Variants in RBFOX1 observed in about 807,000 individuals in gnomAD.
The protein encoded by RBFOX1 is RNA binding fox-1 homolog 1, also known as RNA binding protein fox-1 homolog 1.
In RBFOX1, 8 loss-of-function variants were observed where a neutral mutation model predicts 57.7. The ratio of observed to expected loss-of-function variants is 0.14; its 90% CI spans 0.08 to 0.25. The LOEUF (loss-of-function observed/expected upper bound fraction) is 0.25. RBFOX1 is among the 10% of genes least tolerant of loss of function. RBFOX1 has a pLI of 1.00. For missense variants in RBFOX1, 611 were observed against 548.5 expected (o/e 1.11, Z -1.14); for synonymous variants, 326 against 222.4 (o/e 1.47, Z -4.15).
chr16:5,475,658 G>A (rs866348756), intron 2 of RBFOX1, among the ~76,000 whole-genome samples: 3 of 152,218 alleles, frequency 2.0e-5, no homozygotes, highest in Non-Finnish European at 2.9e-5. Context: ...CCTAATCTTT[G>A]TGACAACCCA....
At chr16:6,082,475 G>A (rs774685336) in intron 1 of RBFOX1, among the ~76,000 whole-genome samples, 105 of 147,592 alleles carry the variant, frequency 7.1e-4, no homozygotes, top group Middle Eastern at 3.6e-3. Flanking sequence ...AGCCTCCAGT[G>A]CATTTTAGGC....
At chr16:6,500,898 T>TTGTTTG (rs1567459911) in intron 2 of RBFOX1, among the ~76,000 whole-genome samples, 1 of 150,592 alleles carries the variant, frequency 6.6e-6, no homozygotes, top group African/African-American at 2.5e-5. Context: ...TTTTTTTTTT[T>TTGTTTG]TTTAATGCTG....
chr16:6,756,571 C>G (rs1422224655), intron 3 of RBFOX1, among the ~76,000 whole-genome samples: 20 of 152,118 alleles, frequency 1.3e-4, no homozygotes. Flanking sequence ...ATTCAGTCAA[C>G]TCATATCCAG....
chr16:6,333,453 C>G (rs891121593), intron 2 of RBFOX1, among the ~76,000 whole-genome samples: 1 of 152,106 alleles, frequency 6.6e-6, no homozygotes, highest in African/African-American at 2.4e-5. Flanking sequence ...TTCTTTTCTG[C>G]TTTTTATTCA....
At chr16:7,104,134 A>G (rs2063165711) in intron 4 of RBFOX1, among the ~76,000 whole-genome samples, 1 of 152,184 alleles carries the variant, frequency 6.6e-6, no homozygotes, top group Admixed American at 6.6e-5. Context: ...CTGTATCTGT[A>G]TGGAAATTAA....
At chr16:7,144,823 A>C (rs1159824299) in intron 4 of RBFOX1, among the ~76,000 whole-genome samples, 1 of 152,178 alleles carries the variant, frequency 6.6e-6, no homozygotes, top group African/African-American at 2.4e-5. Context: ...AAGAGTCTTT[A>C]TGGCCCGAGA....
chr16:6,209,569 A>T (rs575562529), intron 1 of RBFOX1, among the ~76,000 whole-genome samples: 2 of 152,242 alleles, frequency 1.3e-5, no homozygotes, highest in Non-Finnish European at 2.9e-5. Flanking sequence ...AACTCTGACC[A>T]TACAGGTGGA....
chr16:7,544,123 G>A (rs1601440810), intron 5 of RBFOX1, among the ~76,000 whole-genome samples: 1 of 152,360 alleles, frequency 6.6e-6, no homozygotes, highest in South Asian at 2.1e-4. Context: ...GACCAGGAAA[G>A]CCTGAATTGA....
intron 4 of RBFOX1, among the ~76,000 whole-genome samples, chr16:7,102,587 G>A (rs948337656): frequency 6.6e-6 from 1 of 152,066 alleles, no homozygotes; most frequent in Non-Finnish European, 1.5e-5. Context: ...TAATAATTAG[G>A]CAGTGATCGA....
chr16:7,217,191 G>A (rs1407431944), intron 4 of RBFOX1, among the ~76,000 whole-genome samples: 2 of 150,712 alleles, frequency 1.3e-5, no homozygotes, highest in Non-Finnish European at 1.5e-5. Flanking sequence ...TGCAACCTCC[G>A]CCTTCCGGAT....
chr16:7,154,894 G>A lies in RBFOX1; in HGVS notation c.27+102796G>A, dbSNP rs535575387. ...CCCACTTCATAGGTAAGGAAACTAG[G>A]ATTACAGAGTTTTATAACTTTGCAT... On this transcript the variant is annotated intron_variant, in intron 4 of 15. Transcript: ENST00000550418. 3.3e-5 allele frequency among the ~76,000 whole-genome samples: 5 copies of A among 152,256 alleles called. No individual in the cohort carries two copies. The South Asian group carries it at 6.2e-4, about 19-fold the overall frequency.
chr16:7,597,307 G>C, intron 8 of RBFOX1, 64 bp from the exon 9 acceptor site: 2 of 1,212,116 alleles, frequency 1.7e-6, no homozygotes, highest in Non-Finnish European at 2.4e-6. Flanking sequence ...CATAATGCAT[G>C]CAACTAATTG....
At chr16:6,742,159 G>C (rs1276525664) in intron 3 of RBFOX1, among the ~76,000 whole-genome samples, 2 of 152,062 alleles carry the variant, frequency 1.3e-5, no homozygotes, top group African/African-American at 4.8e-5. Context: ...AATCCATTTA[G>C]AAAATCTTTT....
At chr16:7,142,648 T>C (rs1182032512) in intron 4 of RBFOX1, among the ~76,000 whole-genome samples, 2 of 152,206 alleles carry the variant, frequency 1.3e-5, no homozygotes, top group African/African-American at 4.8e-5. Context: ...TTTTGATTGA[T>C]AACAGTTTAA....
At chr16:7,133,708 T>G (rs574240870) in intron 4 of RBFOX1, among the ~76,000 whole-genome samples, 1 of 152,216 alleles carries the variant, frequency 6.6e-6, no homozygotes, top group African/African-American at 2.4e-5. Flanking sequence ...GTGGTATTTT[T>G]CTGAGTTCTG....
chr16:7,441,383 G>C (rs569894502), intron 4 of RBFOX1, among the ~76,000 whole-genome samples: 1 of 152,192 alleles, frequency 6.6e-6, no homozygotes, highest in Non-Finnish European at 1.5e-5. Flanking sequence ...CAAAGGATTA[G>C]AGGTAGAGTT....
intron 2 of RBFOX1, among the ~76,000 whole-genome samples, chr16:5,472,528 C>T (rs1003630724): frequency 6.6e-6 from 1 of 152,130 alleles, no homozygotes; most frequent in African/African-American, 2.4e-5. Flanking sequence ...CTTTTTAATG[C>T]TATCCCAGGG....
At chr16:6,504,737 G>A (rs1188236234) in intron 2 of RBFOX1, among the ~76,000 whole-genome samples, 1 of 152,090 alleles carries the variant, frequency 6.6e-6, no homozygotes, top group Admixed American at 6.6e-5. Flanking sequence ...AGAATAAAGT[G>A]CATCAAATCG....
Position 5,856,529 on chromosome 16 carries a change from A to ATGTGTGTG in RBFOX1, c.319-10773_319-10772insGTGTGTGT, listed in dbSNP as rs1402419760. Among the ~76,000 whole-genome samples the ATGTGTGTG allele has an allele frequency of 3.1e-4, 17 of 55,572 alleles. 1 individual carries two copies. Among genetic ancestry groups the ATGTGTGTG allele is most frequent in the Admixed American group, 6.6e-4 (3 of 4,548 alleles). The allele number at this position is 55,572 out of a possible 152,430, so 36.5% of individuals were successfully genotyped here. A position where few individuals can be genotyped will look rare whatever the true frequency, so the allele number is the denominator to read the frequency against. On this transcript the variant is annotated intron_variant, in intron 3 of 19. Transcript: ENST00000641259. ...ATTTTGACCAACATCTCTCATTCATATATGTGTATGTGTGTGTGTGTGTGT... is the reference window on the plus strand; with the variant it reads ...ATTTTGACCAACATCTCTCATTCATATGTGTGTGTATGTGTATGTGTGTGTGTGTGTGT...
Sources: gnomAD v4.1 joint callset for allele counts (sites outside exome capture counted in the v4.1 genomes callset) on GRCh38, gnomAD v4.1.1 for gene constraint, MANE v1.5 for transcripts, NCBI Gene and HGNC (gene_info 2026-07-23, HGNC 2026-07-21) for gene names.